DHRS13: variants seen among roughly 807,000 people sequenced by gnomAD.
DHRS13 encodes dehydrogenase/reductase SDR family member 13.
A neutral mutation model predicts 17.9 loss-of-function variants in DHRS13; 22 were observed. That is an observed-to-expected ratio of 1.23 (90% confidence interval 0.88 to 1.75). The LOEUF is 1.75. Ranked by LOEUF, DHRS13 falls within the 40% of genes most tolerant of loss-of-function variation. The pLI, the probability that DHRS13 is intolerant of heterozygous loss-of-function variation, is 0.00. For synonymous variants in DHRS13, 206 were observed against 220.4 expected, an observed-to-expected ratio of 0.93 and a Z score of 0.58; for missense variants, 483 against 519.9, an observed-to-expected ratio of 0.93 and a Z score of 0.69.
chr17:28,898,249 A>C lies in DHRS13; in HGVS notation c.*192T>G. On this transcript the variant is annotated 3_prime_UTR_variant, in exon 5 of 5. Transcript: ENST00000378895. ...TATCTCTCCATCTGGGGTTACTGTC[A>C]CTCTCAGGAAGAAATAATCACCCAT... The C allele has an allele frequency of 1.6e-6, 1 of 613,288 alleles. No individual in the cohort carries two copies. Among genetic ancestry groups the C allele is most frequent in the Non-Finnish European group, 2.8e-6 (1 of 360,866 alleles). 38.0% of individuals were successfully genotyped at this position (613,288 alleles called of 1,614,324 possible).
At chr17:28,900,425 A>G (rs2039796654) in intron 4 of DHRS13, among the ~76,000 whole-genome samples, 1 of 152,158 alleles carries the variant, frequency 6.6e-6, no homozygotes, top group Non-Finnish European at 1.5e-5. Context: ...TCACCTTTAT[A>G]GATATGTCTT....
In DHRS13 at chr17:28,902,179, T is replaced by C. The variant is rs903253652; in HGVS notation, c.246+404A>G. On this transcript the variant is annotated intron_variant, in intron 2 of 4. Transcript: ENST00000378895. This position sits in a 1 kb window ranked among gnomAD's most constrained non-coding sequence, Gnocchi z 4.0. ...CCAAGCTTCTCAATAGGCTCTAGAA[T>C]GTTCTCCAGCCCCCTCATTTGCCCA... is the stretch of plus-strand genomic sequence containing the variant. 1 of 170,724 alleles carries C rather than the reference T, an allele frequency of 5.9e-6. No individual in the cohort carries two copies. Among genetic ancestry groups the C allele is most frequent in the Non-Finnish European group, 1.2e-5 (1 of 80,176 alleles). 10.6% of individuals were successfully genotyped at this position (170,724 alleles called of 1,614,324 possible).
intron 4 of DHRS13, 25 bp downstream of exon 4, chr17:28,900,965 C>T (rs375253171): frequency 3.9e-6 from 6 of 1,556,088 alleles, no homozygotes; most frequent in Middle Eastern, 3.5e-4. Context: ...AGAGGGGAAT[C>T]GGAAGCCAAA....
rs2039782474 is a variant in DHRS13 at position 28,898,787 on chromosome 17, TG to T, written c.787del (p.Gln263ArgfsTer74). ...TTGTAGAGCACAATACAGGGGTGTCTGGGCACCCCCTCTTGGTGCCCGGAGC... is the reference window on the plus strand; with the variant it reads ...TTGTAGAGCACAATACAGGGGTGTCTGGCACCCCCTCTTGGTGCCCGGAGC... The part of the protein sequence containing the change: ...LVLRAPRGGA[Q>X]TPLYCALQEG... On this transcript the variant is annotated frameshift_variant, in exon 5 of 5. Transcript: ENST00000378895. LOFTEE classifies it low-confidence loss of function (END_TRUNC). 4 of 1,612,334 alleles carry T rather than the reference TG, an allele frequency of 2.5e-6. No individual in the cohort carries two copies. The highest frequency in any genetic ancestry group is 8.5e-7 in the Non-Finnish European group (1 of 1,179,322).
chr17:28,902,902 A>C lies in DHRS13; in HGVS notation c.43T>G (p.Tyr15Asp). 6.4e-7 allele frequency: 1 copy of C among 1,554,766 alleles called. No individual in the cohort carries two copies. Among genetic ancestry groups the C allele is most frequent in the Non-Finnish European group, 8.6e-7 (1 of 1,158,556 alleles). The part of the protein sequence containing the change: ...LLGAGLLLGA[Y>D]VLVYYNLVKA... ...ACCAGGTTGTAGTAGACAAGCACGT[A>C]AGCGCCCAGCAGCAACCCCGCGCCC... is the stretch of plus-strand genomic sequence containing the variant. The change falls in exon 1 of 5, where the codon TAC becomes GAC. Residue 15 changes from tyrosine to aspartate, a missense_variant. Coordinates refer to ENST00000378895, the MANE Select transcript of DHRS13 (RefSeq NM_144683.4). This position sits in a 1 kb window ranked among gnomAD's most constrained non-coding sequence, Gnocchi z 4.0.
At position 28,898,857 on chromosome 17, in the gene DHRS13, G is replaced by C; in HGVS notation, c.718C>G (p.Pro240Ala). ...VNSELFLRHV[P>A]GWLRPLLRPL... Reference sequence around the variant, plus strand: ...CGCAAAAGTGGGCGCAGCCATCCAGGAACATGGCGCAGGAACAGCTCCGAG... The same window carrying C: ...CGCAAAAGTGGGCGCAGCCATCCAGCAACATGGCGCAGGAACAGCTCCGAG... The change falls in exon 5 of 5, where the codon CCT (proline) becomes GCT (alanine). Residue 240 changes from proline to alanine, a missense_variant. By Grantham distance (27) the Pro-to-Ala change is conservative (BLOSUM62 -1). Coordinates refer to ENST00000378895, the MANE Select transcript of DHRS13 (RefSeq NM_144683.4). 3 of 1,600,748 alleles carry C rather than the reference G, an allele frequency of 1.9e-6. No individual in the cohort carries two copies. The highest frequency in any genetic ancestry group is 1.7e-6 in the Non-Finnish European group (2 of 1,173,100).
Position 28,901,179 on chromosome 17 carries a change from C to G in DHRS13, c.493G>C (p.Val165Leu), listed in dbSNP as rs147458712. 6.2e-7 allele frequency: 1 copy of G among 1,613,912 alleles called. No homozygotes were observed. Among genetic ancestry groups the G allele is most frequent in the East Asian group, 2.2e-5 (1 of 44,882 alleles). Residue 165 changes from valine to leucine, a missense_variant, in exon 4 of 5, where the codon GTG (valine) becomes CTG (leucine). Transcript: ENST00000378895. The surrounding 1 kb of genome is among the most constrained non-coding windows in gnomAD (Gnocchi z 4.3). ...PCLKACAPSR[V>L]VVVASAAHCR... ...TGGGCAGCTGAGGCTACCACCACCACGCGGCTAGGGGCACATGCCTTCAGG... is the reference window on the plus strand; with the variant it reads ...TGGGCAGCTGAGGCTACCACCACCAGGCGGCTAGGGGCACATGCCTTCAGG...
In DHRS13 at chr17:28,901,632, GGC is replaced by G; in HGVS notation, c.247-18_247-17del. Reference sequence around the variant, plus strand: ...TCCCACTCTCCTGTGGAGAGGCAAGGGCTGGGCTTGTCACCAGGCATCTCTCT... The same window carrying G: ...TCCCACTCTCCTGTGGAGAGGCAAGGTGGGCTTGTCACCAGGCATCTCTCT... On this transcript the variant is annotated splice_polypyrimidine_tract_variant and intron_variant, in intron 2 of 4. Transcript: ENST00000378895. The surrounding 1 kb of genome is among the most constrained non-coding windows in gnomAD (Gnocchi z 4.3). 1 of 1,612,966 alleles carries G rather than the reference GGC, an allele frequency of 6.2e-7. No individual in the cohort carries two copies. Among genetic ancestry groups the G allele is most frequent in the Non-Finnish European group, 8.5e-7 (1 of 1,179,046 alleles).
rs1056400674 is a variant in DHRS13 at position 28,898,450 on chromosome 17, C to G, written c.1125G>C (p.Gln375His). The change falls in exon 5 of 5, where the codon CAG becomes CAC. Residue 375 changes from glutamine to histidine, a missense_variant. Coordinates refer to ENST00000378895, the MANE Select transcript of DHRS13 (RefSeq NM_144683.4). ...RIQAKVEPEIQLS is the reference protein window; with the variant it reads ...RIQAKVEPEIHLS ...CATCCTGGCCTGAGGGTTAGGAGAG[C>G]TGGATCTCAGGCTCAACTTTAGCCT... 7.1e-6 allele frequency: 11 copies of G among 1,555,744 alleles called. No individual in the cohort carries two copies. Among genetic ancestry groups the G allele is most frequent in the Non-Finnish European group, 9.6e-6 (11 of 1,149,182 alleles).
rs1483188749 is a variant in DHRS13 at position 28,901,318 on chromosome 17, A to T, written c.371-17T>A. On this transcript the variant is annotated splice_polypyrimidine_tract_variant and intron_variant, in intron 3 of 4. Transcript: ENST00000378895. This position sits in a 1 kb window ranked among gnomAD's most constrained non-coding sequence, Gnocchi z 4.3. The stretch of plus-strand genomic sequence containing the variant: ...AACTGATACCTGGGGCAGAGGCTAA[A>T]TGTGAGCGGCTGCTCCAGAAGGAGC... The T allele has an allele frequency of 1.9e-6, 3 of 1,593,844 alleles. No homozygotes were observed. The highest frequency in any genetic ancestry group is 3.4e-5 in the Admixed American group (2 of 58,276).
chr17:28,898,479 T>G lies in DHRS13; in HGVS notation c.1096A>C (p.Ile366Leu). 6.3e-7 allele frequency: 1 copy of G among 1,576,326 alleles called. No individual in the cohort carries two copies. The highest frequency in any genetic ancestry group is 8.6e-7 in the Non-Finnish European group (1 of 1,160,290). ...SPDLSKMTHR[I>L]QAKVEPEIQL... ...ATCTCAGGCTCAACTTTAGCCTGAA[T>G]TCGGTGCGTCATCTTAGACAAATCT... Residue 366 changes from isoleucine to leucine, a missense_variant, in exon 5 of 5, where the codon ATT becomes CTT. Transcript: ENST00000378895.
Position 28,901,239 on chromosome 17 carries a change from C to G in DHRS13, c.433G>C (p.Gly145Arg). Residue 145 changes from glycine to arginine, a missense_variant, in exon 4 of 5, where the codon GGT (glycine) becomes CGT (arginine). Transcript: ENST00000378895. The surrounding 1 kb of genome is among the most constrained non-coding windows in gnomAD (Gnocchi z 4.3). ...AGCAGATGTGTCAGCAGAAAGGGAC[C>G]GATATGGTTCACCCGAAGCAGCAGG... ...FNLLLRVNHIGPFLLTHLLLP... is the reference protein window; with the variant it reads ...FNLLLRVNHIRPFLLTHLLLP... 1 of 1,614,104 alleles carries G rather than the reference C, an allele frequency of 6.2e-7. No individual in the cohort carries two copies. The highest frequency in any genetic ancestry group is 8.5e-7 in the Non-Finnish European group (1 of 1,179,998).
Position 28,902,405 on chromosome 17 carries a change from C to G in DHRS13, c.246+178G>C, listed in dbSNP as rs2039813462. Reference sequence around the variant, plus strand: ...GCCTTCAGGAAGCCCCTCCCCCACTCGGCTCTGGTGCGCCTTCCTCGGGTG... The same window carrying G: ...GCCTTCAGGAAGCCCCTCCCCCACTGGGCTCTGGTGCGCCTTCCTCGGGTG... On this transcript the variant is annotated intron_variant, in intron 2 of 4. Transcript: ENST00000378895. The surrounding 1 kb of genome is among the most constrained non-coding windows in gnomAD (Gnocchi z 4.0). 6.6e-6 allele frequency among the ~76,000 whole-genome samples: 1 copy of G among 152,218 alleles called. No homozygotes were observed. Among genetic ancestry groups the G allele is most frequent in the African/African-American group, 2.4e-5 (1 of 41,454 alleles).
In DHRS13 at chr17:28,898,057, A is replaced by C; in HGVS notation, c.*384T>G. 1 of 236,516 alleles carries C rather than the reference A, an allele frequency of 4.2e-6. No individual in the cohort carries two copies. Among genetic ancestry groups the C allele is most frequent in the East Asian group, 1.4e-4 (1 of 6,994 alleles). 14.7% of individuals were successfully genotyped at this position (236,516 alleles called of 1,614,324 possible). ...TCATTAACATGGGGGTAATTTAACT[A>C]CCTAGCTAGACGGTTGCAAAGGGAT... On this transcript the variant is annotated 3_prime_UTR_variant, in exon 5 of 5. Coordinates refer to ENST00000378895, the MANE Select transcript of DHRS13 (RefSeq NM_144683.4).
Position 28,899,067 on chromosome 17 carries a change from G to C in DHRS13, c.683-175C>G, listed in dbSNP as rs2039786998. On this transcript the variant is annotated intron_variant, in intron 4 of 4. Transcript: ENST00000378895. This position sits in a 1 kb window ranked among gnomAD's most constrained non-coding sequence, Gnocchi z 4.7. ...AAAAAAAACAACAACAAAAAAAATA[G>C]AACAGAGCTAGAAGAACAGGGACAG... 13 of 593,218 alleles carry C rather than the reference G, an allele frequency of 2.2e-5. No individual in the cohort carries two copies. The South Asian group carries it at 2.9e-4, about 13-fold the overall frequency. The allele number at this position is 593,218 out of a possible 1,614,324, so 36.7% of individuals were successfully genotyped here. A position where few individuals can be genotyped will look rare whatever the true frequency, so the allele number is the denominator to read the frequency against.
chr17:28,902,502 C>A lies in DHRS13; in HGVS notation c.246+81G>T. The A allele has an allele frequency of 7.6e-7, 1 of 1,317,744 alleles. No homozygotes were observed. Among genetic ancestry groups the A allele is most frequent in the South Asian group, 1.6e-5 (1 of 61,704 alleles). The allele number at this position is 1,317,744 out of a possible 1,614,324, so 81.6% of individuals were successfully genotyped here. ...CGCGCTCTCCTCCCTGGACCCGGAT[C>A]CTCCGCAGCCCCTTTGCTGGCTTCT... On this transcript the variant is annotated intron_variant, in intron 2 of 4. Transcript: ENST00000378895. This position sits in a 1 kb window ranked among gnomAD's most constrained non-coding sequence, Gnocchi z 4.0.
rs898187189 is a variant in DHRS13 at position 28,898,051 on chromosome 17, T to A, written c.*390A>T. ...TCCGCTTCATTAACATGGGGGTAAT[T>A]TAACTACCTAGCTAGACGGTTGCAA... On this transcript the variant is annotated 3_prime_UTR_variant, in exon 5 of 5. Coordinates refer to ENST00000378895, the MANE Select transcript of DHRS13 (RefSeq NM_144683.4). 4.3e-6 allele frequency: 1 copy of A among 230,356 alleles called. No individual in the cohort carries two copies. The highest frequency in any genetic ancestry group is 8.4e-6 in the Non-Finnish European group (1 of 118,828). 14.3% of individuals were successfully genotyped at this position (230,356 alleles called of 1,614,324 possible). A position where few individuals can be genotyped will look rare whatever the true frequency, so the allele number is the denominator to read the frequency against.
At chr17:28,898,914 G>A (rs2039784964) in intron 4 of DHRS13, 22 bp from the exon 5 acceptor site, 1 of 1,549,732 alleles carries the variant, frequency 6.5e-7, no homozygotes, top group Non-Finnish European at 8.7e-7. Context: ...AAGAAAGAAA[G>A]GAGTCGGGCT....
At chr17:28,900,045 C>G (rs1028496938) in intron 4 of DHRS13, among the ~76,000 whole-genome samples, 10 of 152,246 alleles carry the variant, frequency 6.6e-5, no homozygotes, top group African/African-American at 2.2e-4. Flanking sequence ...TCCTGAGTAG[C>G]TGGGATTACA....
Sources: gnomAD v4.1 joint callset for allele counts (sites outside exome capture counted in the v4.1 genomes callset) on GRCh38, gnomAD v4.1.1 for gene constraint, Gnocchi (gnomAD v3.1) non-coding constraint, MANE v1.5 for transcripts, NCBI Gene and HGNC (gene_info 2026-07-23, HGNC 2026-07-21) for gene names.